The following WDR7 variants were observed in gnomAD, a reference collection of about 807,000 sequenced individuals.
WDR7 encodes the protein WD repeat domain 7.
Under a neutral mutation model 169.4 loss-of-function variants are expected in WDR7, and 46 were observed. The ratio of observed to expected loss-of-function variants is 0.27; its 90% CI spans 0.21 to 0.35. WDR7 has a LOEUF of 0.35. Ranked by LOEUF, WDR7 falls within the 10% of genes least tolerant of loss-of-function variation. The pLI, the probability that WDR7 is intolerant of heterozygous loss-of-function variation, is 1.00. For missense variants in WDR7, 1,534 were observed against 1,859.3 expected, an observed-to-expected ratio of 0.83 and a Z score of 3.22; for synonymous variants, 612 against 666.8, an observed-to-expected ratio of 0.92 and a Z score of 1.27.
chr18:56,672,280 C>T (rs932805411), intron 1 of WDR7, among the ~76,000 whole-genome samples: 1 of 151,972 alleles, frequency 6.6e-6, no homozygotes, highest in East Asian at 1.9e-4. Flanking sequence ...TCTTTCTTTT[C>T]ACAGGTGTTG....
intron 9 of WDR7, among the ~76,000 whole-genome samples, chr18:56,692,654 G>T (rs1285912646): frequency 6.6e-6 from 1 of 151,620 alleles, no homozygotes; most frequent in South Asian, 2.1e-4. Context: ...CTTCAACCTA[G>T]ATAGTCATGT....
intron 16 of WDR7, among the ~76,000 whole-genome samples, chr18:56,766,075 T>C (rs2044061992): frequency 6.6e-6 from 1 of 152,064 alleles, no homozygotes; most frequent in Admixed American, 6.5e-5. Flanking sequence ...TATCTTTTAA[T>C]GCTTTGAAGA....
At chr18:56,884,385 G>A (rs1459400107) in intron 21 of WDR7, among the ~76,000 whole-genome samples, 1 of 152,166 alleles carries the variant, frequency 6.6e-6, no homozygotes, top group African/African-American at 2.4e-5. Context: ...TGAGTTCCTT[G>A]TAGTTTCTGG....
intron 2 of WDR7, among the ~76,000 whole-genome samples, chr18:56,678,664 T>G (rs1181457133): frequency 1.3e-5 from 2 of 152,070 alleles, no homozygotes; most frequent in African/African-American, 4.8e-5. Flanking sequence ...GCCTGGCTAA[T>G]TTTTGTATTT....
chr18:56,722,116 T>C (rs2026335596), intron 13 of WDR7, among the ~76,000 whole-genome samples: 2 of 152,220 alleles, frequency 1.3e-5, no homozygotes, highest in Admixed American at 1.3e-4. Context: ...TATGAATTAA[T>C]GTATATTTGT....
chr18:56,667,807 T>C (rs2025055447), intron 1 of WDR7, among the ~76,000 whole-genome samples: 1 of 152,182 alleles, frequency 6.6e-6, no homozygotes, highest in African/African-American at 2.4e-5. Flanking sequence ...CATATCAGTA[T>C]TATTATTAGT....
rs374231569 is a variant in WDR7, at chr18:56,779,482, G to A, written c.2999G>A (p.Gly1000Glu). ...MHCVMLPDLL[G>E]LDKFRPPLLE... ...TGTGTTATGCTGCCAGACCTACTGG[G>A]ATTGGATAAATTTAGGCCTCCCCTT... The change falls in exon 18 of 28, where the codon GGA becomes GAA. Residue 1000 changes from glycine (G) to glutamate (E), a missense_variant. Gly to Glu is a moderately conservative substitution (Grantham distance 98). Transcript: ENST00000254442. 1 of 1,613,880 alleles carries A rather than the reference G, an allele frequency of 6.2e-7. No individual in the cohort carries two copies. Among genetic ancestry groups the A allele is most frequent in the Admixed American group, 1.7e-5 (1 of 59,992 alleles).
chr18:56,695,294 A>T, intron 11 of WDR7, 96 bp downstream of exon 11: 1 of 1,487,694 alleles, frequency 6.7e-7, no homozygotes, highest in Non-Finnish European at 9.1e-7. Flanking sequence ...AAATACAGTG[A>T]ATCAGTGTAG....
intron 19 of WDR7, among the ~76,000 whole-genome samples, chr18:56,791,485 T>C (rs775827090): frequency 5.9e-5 from 9 of 152,200 alleles, no homozygotes; most frequent in Non-Finnish European, 1.3e-4. Flanking sequence ...CTACTATGTC[T>C]TAGGTTCTAT....
intron 16 of WDR7, among the ~76,000 whole-genome samples, chr18:56,769,873 A>G (rs1372871167): frequency 6.6e-6 from 1 of 152,188 alleles, no homozygotes; most frequent in Non-Finnish European, 1.5e-5. Flanking sequence ...ATATTAAGGA[A>G]TGTATCTGAG....
Position 56,756,908 on chromosome 18 carries a change from G to A in WDR7, c.2315G>A (p.Arg772Lys). 6.2e-7 allele frequency: 1 copy of A among 1,614,104 alleles called. No individual in the cohort carries two copies. The highest frequency in any genetic ancestry group is 8.5e-7 in the Non-Finnish European group (1 of 1,180,008). Reference sequence around the variant, plus strand: ...GAGGATGAGGAGATAATGAGGCAGAGAAGGGAAGAAAGTGATCCTGAATAT... The same window carrying A: ...GAGGATGAGGAGATAATGAGGCAGAAAAGGGAAGAAAGTGATCCTGAATAT... ...EEEDEEIMRQ[R>K]REESDPEYRS... is the part of the protein sequence containing the mutation. Residue 772 changes from arginine (R) to lysine (K), a missense_variant, in exon 15 of 28, where the codon AGA becomes AAA. Physicochemically the swap from Arg to Lys is conservative, Grantham distance 26. Transcript: ENST00000254442.
chr18:56,817,500 T>C lies in WDR7; in HGVS notation c.3304+1356T>C, dbSNP rs145370571. Among the ~76,000 whole-genome samples, 15 of 152,166 alleles carry C rather than the reference T, an allele frequency of 9.9e-5. 1 individual carries two copies. Among genetic ancestry groups the C allele is most frequent in the Non-Finnish European group, 1.9e-4 (13 of 68,006 alleles). On this transcript the variant is annotated intron_variant, in intron 20 of 27. Transcript: ENST00000254442. The stretch of plus-strand genomic sequence containing the variant: ...ACAAAGTGTATATTTAAAATACCTA[T>C]AGCCTTGTGCCACTGCTGCCTAATA...
At chr18:56,918,455 A>C (rs572189072) in intron 21 of WDR7, among the ~76,000 whole-genome samples, 1 of 152,214 alleles carries the variant, frequency 6.6e-6, no homozygotes, top group African/African-American at 2.4e-5. Flanking sequence ...ATCATAGACT[A>C]GTAAAATTTC....
chr18:57,033,093 C>G (rs931943003), downstream of WDR7: 3 of 151,828 alleles, frequency 2.0e-5, no homozygotes, highest in African/African-American at 7.3e-5. Context: ...TTAGAATATG[C>G]CAAGCGTATG....
chr18:56,817,058 G>A (rs2044985066), intron 20 of WDR7, among the ~76,000 whole-genome samples: 1 of 151,396 alleles, frequency 6.6e-6, no homozygotes, highest in Non-Finnish European at 1.5e-5. Context: ...AAAAATTAAA[G>A]GGAGGGCTGG....
chr18:56,748,979 C>T (rs1319712590), intron 14 of WDR7, among the ~76,000 whole-genome samples: 3 of 151,756 alleles, frequency 2.0e-5, no homozygotes, highest in African/African-American at 7.3e-5. Context: ...TTTTCTAGTA[C>T]TTAAAATATT....
At position 56,758,876 on chromosome 18, in the gene WDR7, C is replaced by T; in HGVS notation, c.2771C>T (p.Pro924Leu). Residue 924 changes from proline to leucine, a missense_variant, in exon 16 of 28, where the codon CCA becomes CTA. Transcript: ENST00000254442. ...TCTTCTTTTTTAAGGCCACCTAGAC[C>T]AAGCACCCCAGACCTTTCTAAGGCA... ...MKKGPTRPPR[P>L]STPDLSKARG... The T allele has an allele frequency of 6.2e-7, 1 of 1,611,308 alleles. No homozygotes were observed. The highest frequency in any genetic ancestry group is 8.5e-7 in the Non-Finnish European group (1 of 1,178,728).
At chr18:56,996,918 T>C (rs1387439131) in intron 26 of WDR7, among the ~76,000 whole-genome samples, 1 of 152,130 alleles carries the variant, frequency 6.6e-6, no homozygotes, top group African/African-American at 2.4e-5. Flanking sequence ...ACGCACATGA[T>C]ATTCTATAAA....
chr18:57,003,792 A>G (rs1176498695), intron 26 of WDR7, among the ~76,000 whole-genome samples: 1 of 152,042 alleles, frequency 6.6e-6, no homozygotes, highest in Non-Finnish European at 1.5e-5. Context: ...TCTTCAGACT[A>G]ATTTGCCAAC....
Sources: allele counts gnomAD v4.1 joint callset (sites outside exome capture counted in the v4.1 genomes callset), GRCh38; gene constraint gnomAD v4.1.1; transcripts MANE v1.5; gene names NCBI Gene and HGNC (gene_info 2026-07-23, HGNC 2026-07-21).